Variants in PRKDC observed in about 807,000 individuals in gnomAD.
PRKDC encodes the protein DNA-dependent protein kinase catalytic subunit.
PRKDC carries 82 observed loss-of-function variants against 486.9 expected under a neutral mutation model. That is an observed-to-expected ratio of 0.17 (90% CI 0.14 to 0.20). The LOEUF (loss-of-function observed/expected upper bound fraction) is 0.20. Ranked by LOEUF, PRKDC falls within the 10% of genes least tolerant of loss-of-function variation. The pLI, the probability that PRKDC is intolerant of heterozygous loss-of-function variation, is 1.00. For synonymous variants in PRKDC, 1,895 were observed against 1,837.0 expected (o/e 1.03, Z -0.81); for missense variants, 4,504 against 5,038.2 (o/e 0.89, Z 3.21).
chr8:47,870,349 G>T (rs142254125), intron 40 of PRKDC, among the ~76,000 whole-genome samples: 1 of 152,322 alleles, frequency 6.6e-6, no homozygotes, highest in Non-Finnish European at 1.5e-5. Flanking sequence ...CAGACAGAGA[G>T]ACTCCATTTG....
chr8:47,861,196 T>G (rs2088669155), intron 44 of PRKDC, among the ~76,000 whole-genome samples: 1 of 152,202 alleles, frequency 6.6e-6, no homozygotes, highest in Admixed American at 6.5e-5. Context: ...TTAACCTCCA[T>G]CTCAGCTCTG....
intron 54 of PRKDC, among the ~76,000 whole-genome samples, chr8:47,846,293 G>A (rs2088261503): frequency 6.6e-6 from 1 of 151,846 alleles, no homozygotes; most frequent in African/African-American, 2.4e-5. Flanking sequence ...GCATGTGCCT[G>A]TAATCCCACT....
chr8:47,856,822 C>T (rs1589746107), intron 49 of PRKDC, among the ~76,000 whole-genome samples: 2 of 152,310 alleles, frequency 1.3e-5, no homozygotes, highest in Middle Eastern at 3.4e-3. Context: ...TCCTCAGAGC[C>T]TCCCATTCAG....
rs1431592449 is a variant in PRKDC at position 47,812,807 on chromosome 8, T to C, written c.9557+4643A>G. On this transcript the variant is annotated intron_variant, in intron 68 of 85. Coordinates refer to ENST00000314191, the MANE Select transcript of PRKDC (RefSeq NM_006904.7). ...ATTAACAAAGTAAAAAACTGATCCT[T>C]TGAAAAAGCAAAACTGACACAAACC... is the stretch of plus-strand genomic sequence containing the variant. Among the ~76,000 whole-genome samples, 4 of 151,934 alleles carry C rather than the reference T, an allele frequency of 2.6e-5. No homozygotes were observed. In the East Asian group the frequency reaches 7.7e-4, roughly 29 times the overall value.
chr8:47,819,544 C>G (rs373589873), intron 66 of PRKDC, 34 bp from the exon 67 acceptor site: 16 of 1,057,950 alleles, frequency 1.5e-5, no homozygotes, highest in Non-Finnish European at 1.2e-5. Context: ...AGGGCATTTA[C>G]AAATGCCATG....
chr8:47,814,980 T>C (rs947524632), intron 68 of PRKDC, among the ~76,000 whole-genome samples: 17 of 152,108 alleles, frequency 1.1e-4, no homozygotes, highest in Middle Eastern at 3.4e-3. Context: ...CTGGGCAACA[T>C]AGTGAAACCC....
intron 72 of PRKDC, among the ~76,000 whole-genome samples, chr8:47,798,781 AG>A (rs1462965325): frequency 1.3e-5 from 2 of 152,106 alleles, no homozygotes; most frequent in Admixed American, 1.3e-4. Context: ...ATTTAAATGT[AG>A]GTCATGTTGC....
rs1284601528 is a variant in PRKDC, at chr8:47,774,030, T to C, written c.*143A>G. 1.2e-6 allele frequency: 1 copy of C among 817,312 alleles called. No homozygotes were observed. The allele number at this position is 817,312 out of a possible 1,614,324, so 50.6% of individuals were successfully genotyped here. A position where few individuals can be genotyped will look rare whatever the true frequency, so the allele number is the denominator to read the frequency against. On this transcript the variant is annotated 3_prime_UTR_variant, in exon 86 of 86. Coordinates refer to ENST00000314191, the MANE Select transcript of PRKDC (RefSeq NM_006904.7). ...CACATTTACTCATCATAATCTTGAT[T>C]TAAACTCATGCTACGAAACTGTAGC...
intron 39 of PRKDC, 106 bp from the exon 40 acceptor site, chr8:47,877,957 A>T: frequency 1.2e-6 from 1 of 816,182 alleles, no homozygotes; most frequent in Non-Finnish European, 1.6e-6. Flanking sequence ...ATAATAAAAA[A>T]TATAACATAC....
At chr8:47,883,061 T>A (rs920290826) in intron 36 of PRKDC, among the ~76,000 whole-genome samples, 1 of 152,238 alleles carries the variant, frequency 6.6e-6, no homozygotes, top group Non-Finnish European at 1.5e-5. Context: ...TTCCCCTGTC[T>A]TGGCTCACTG....
chr8:47,835,864 G>C (rs1238661001), intron 58 of PRKDC, among the ~76,000 whole-genome samples: 1 of 151,870 alleles, frequency 6.6e-6, no homozygotes, highest in Non-Finnish European at 1.5e-5. Context: ...CTGGGCTCGA[G>C]CCATTCCCCG....
At chr8:47,891,055 G>T (rs2154501879) in intron 31 of PRKDC, among the ~76,000 whole-genome samples, 1 of 152,288 alleles carries the variant, frequency 6.6e-6, no homozygotes, top group East Asian at 1.9e-4. Context: ...AACGGGCTTT[G>T]TCATAAAACT....
chr8:47,859,235 G>C (rs919216406), intron 46 of PRKDC, among the ~76,000 whole-genome samples: 2 of 152,152 alleles, frequency 1.3e-5, no homozygotes, highest in Admixed American at 6.5e-5. Context: ...TGGCTCCTGA[G>C]GTCAGATGTC....
At chr8:47,774,408 A>T in intron 85 of PRKDC, 31 bp from the exon 86 acceptor site, 1 of 1,594,872 alleles carries the variant, frequency 6.3e-7, no homozygotes, top group Non-Finnish European at 8.6e-7. Context: ...GAAAACACAA[A>T]GCATGTGTCA....
At chr8:47,867,281 C>G (rs2088840380) in intron 40 of PRKDC, among the ~76,000 whole-genome samples, 1 of 152,088 alleles carries the variant, frequency 6.6e-6, no homozygotes, top group African/African-American at 2.4e-5. Flanking sequence ...AAGGAAGATC[C>G]TCTGAATTGC....
intron 48 of PRKDC, among the ~76,000 whole-genome samples, chr8:47,858,205 T>G (rs1049507460): frequency 1.5e-4 from 23 of 151,970 alleles, no homozygotes; most frequent in African/African-American, 5.1e-4. Flanking sequence ...GCTTTTTTTT[T>G]TCCTACTATA....
chr8:47,956,077 A>C, intron 3 of PRKDC, 129 bp from the exon 4 acceptor site: 1 of 710,216 alleles, frequency 1.4e-6, no homozygotes, highest in Non-Finnish European at 2.3e-6. Flanking sequence ...AAAATATAAC[A>C]TTAGGCCGGG....
Position 47,912,439 on chromosome 8 carries a change from G to A in PRKDC, c.2905C>T (p.Leu969=). The change falls in exon 25 of 86, where the codon CTG becomes TTG. Residue 969 remains leucine, a synonymous_variant. Transcript: ENST00000314191. ...TCAACATCACACGCAAGTCGAAGCA[G>A]CACAGGAAACGTCCGCTTATAGAGC... ...YQLYKRTFPV[L]LRLACDVDQV... 2 of 1,604,854 alleles carry A rather than the reference G, an allele frequency of 1.2e-6. No individual in the cohort carries two copies. The highest frequency in any genetic ancestry group is 1.7e-6 in the Non-Finnish European group (2 of 1,175,790).
At chr8:47,814,571 A>G (rs2087402204) in intron 68 of PRKDC, among the ~76,000 whole-genome samples, 1 of 152,188 alleles carries the variant, frequency 6.6e-6, no homozygotes, top group African/African-American at 2.4e-5. Context: ...TTTAAAAATA[A>G]ATCCATCTAT....
Sources: allele counts gnomAD v4.1 joint callset (sites outside exome capture counted in the v4.1 genomes callset), GRCh38; gene constraint gnomAD v4.1.1; transcripts MANE v1.5; gene names NCBI Gene and HGNC (gene_info 2026-07-23, HGNC 2026-07-21).